The following BRPF3 variants were observed in gnomAD, a reference collection of about 807,000 sequenced individuals.
BRPF3 encodes bromodomain and PHD finger containing 3.
A neutral mutation model predicts 102.0 loss-of-function variants in BRPF3; 18 were observed. That is an observed-to-expected ratio of 0.18 (90% CI 0.12 to 0.26). The LOEUF (loss-of-function observed/expected upper bound fraction) is 0.26, where lower values mean the gene tolerates loss of function less well. BRPF3 is among the 10% of genes least tolerant of loss of function. The pLI is 1.00. For synonymous variants in BRPF3, 570 were observed against 614.2 expected, an observed-to-expected ratio of 0.93 and a Z score of 1.06; for missense variants, 1,147 against 1,567.8, an observed-to-expected ratio of 0.73 and a Z score of 4.53.
rs1292666222 is a variant in BRPF3, at chr6:36,200,688, G to C, written c.366G>C (p.Val122=). The C allele has an allele frequency of 6.2e-7, 1 of 1,614,038 alleles. No homozygotes were observed. Among genetic ancestry groups the C allele is most frequent in the Non-Finnish European group, 8.5e-7 (1 of 1,180,028 alleles). The change falls in exon 2 of 13, where the codon GTG becomes GTC. Residue 122 remains valine, a synonymous_variant. Coordinates refer to ENST00000357641, the MANE Select transcript of BRPF3 (RefSeq NM_015695.3). The surrounding 1 kb of genome is among the most constrained non-coding windows in gnomAD (Gnocchi z 5.3). The part of the protein sequence containing the change: ...FHLPQPSFRM[V]DSGIQPEAPP... ...TCCCACAGCCCAGCTTCCGTATGGT[G>C]GACTCAGGCATCCAGCCAGAAGCAC...
chr6:36,230,583 T>C lies in BRPF3; in HGVS notation c.3592T>C (p.Ser1198Pro). 1 of 1,613,952 alleles carries C rather than the reference T, an allele frequency of 6.2e-7. No homozygotes were observed. Among genetic ancestry groups the C allele is most frequent in the Non-Finnish European group, 8.5e-7 (1 of 1,179,944 alleles). ...CCTGAGCAGAGTCCGGGGGCCCCAC[T>C]CCTTCGTCACTTCCAGCTACCTGTA... ...IHLSRVRGPH[S>P]FVTSSYL The change falls in exon 13 of 13, where the codon TCC becomes CCC. Residue 1198 changes from serine to proline, a missense_variant. By Grantham distance (74) the Ser-to-Pro change is moderately conservative (BLOSUM62 -1). Around this residue, in one of 11 missense-constraint regions of BRPF3, gnomAD observed 85 missense variants for 172.9 expected, o/e 0.49. Coordinates refer to ENST00000357641, the MANE Select transcript of BRPF3 (RefSeq NM_015695.3). The surrounding 1 kb of genome is among the most constrained non-coding windows in gnomAD (Gnocchi z 5.4).
In BRPF3 at chr6:36,200,271, A is replaced by G. The variant is rs1767645195; in HGVS notation, c.-26-26A>G. ...ATGGGTGCATAAGGGCATCCAACTC[A>G]TAGTCTCCTGGCCTTCTCTCCTTAG... On this transcript the variant is annotated intron_variant, in intron 1 of 12. Transcript: ENST00000357641. This position sits in a 1 kb window ranked among gnomAD's most constrained non-coding sequence, Gnocchi z 5.3. 5 of 1,550,352 alleles carry G rather than the reference A, an allele frequency of 3.2e-6. No homozygotes were observed. Among genetic ancestry groups the G allele is most frequent in the Middle Eastern group, 3.5e-4 (2 of 5,698 alleles).
intron 3 of BRPF3, 122 bp downstream of exon 3, chr6:36,204,936 T>C: frequency 7.5e-7 from 1 of 1,333,288 alleles, no homozygotes; most frequent in Non-Finnish European, 1.0e-6. Flanking sequence ...CCTACCTGTC[T>C]GGGTGGCCTA....
chr6:36,217,312 G>A (rs568733460), intron 8 of BRPF3, among the ~76,000 whole-genome samples: 28 of 152,252 alleles, frequency 1.8e-4, no homozygotes, highest in Middle Eastern at 3.4e-3. Flanking sequence ...AGGAAGTTCC[G>A]GGCTGCTTTA....
chr6:36,197,496 A>C (rs1293336741), intron 1 of BRPF3: 2 of 152,250 alleles, frequency 1.3e-5, no homozygotes, highest in African/African-American at 4.8e-5. Flanking sequence ...CTTCTGGAAG[A>C]GGTGCCCCCT....
In BRPF3 at chr6:36,200,648, G is replaced by A. The variant is rs1326401531; in HGVS notation, c.326G>A (p.Gly109Asp). Reference sequence around the variant, plus strand: ...GAATCCTGCTCCAAGCATGCATCTGGTACTTCCTTCCACCTCCCACAGCCC... The same window carrying A: ...GAATCCTGCTCCAAGCATGCATCTGATACTTCCTTCCACCTCCCACAGCCC... ...KKESCSKHAS[G>D]TSFHLPQPSF... The change falls in exon 2 of 13, where the codon GGT becomes GAT. Residue 109 changes from glycine to aspartate, a missense_variant. This residue lies in a region of BRPF3 where 221 missense variants were observed against 337.1 expected (regional missense o/e 0.66). Transcript: ENST00000357641. The surrounding 1 kb of genome is among the most constrained non-coding windows in gnomAD (Gnocchi z 5.3). The A allele has an allele frequency of 1.9e-6, 3 of 1,614,066 alleles. No individual in the cohort carries two copies. In the African/African-American group the frequency reaches 4.0e-5, roughly 22 times the overall value.
Position 36,200,594 on chromosome 6 carries a change from A to G in BRPF3, c.272A>G (p.Lys91Arg), listed in dbSNP as rs1767661363. The change falls in exon 2 of 13, where the codon AAG becomes AGG. Residue 91 changes from lysine to arginine, a missense_variant. Physicochemically the swap from Lys to Arg is conservative, Grantham distance 26. Coordinates refer to ENST00000357641, the MANE Select transcript of BRPF3 (RefSeq NM_015695.3). This position sits in a 1 kb window ranked among gnomAD's most constrained non-coding sequence, Gnocchi z 5.3. ...SEQPQFPGKS[K>R]KPSSKGKKKE... Reference sequence around the variant, plus strand: ...CAGCCTCAGTTCCCTGGCAAGTCCAAGAAACCCTCATCCAAGGGCAAAAAG... The same window carrying G: ...CAGCCTCAGTTCCCTGGCAAGTCCAGGAAACCCTCATCCAAGGGCAAAAAG... 6.2e-7 allele frequency: 1 copy of G among 1,614,112 alleles called. No individual in the cohort carries two copies. The highest frequency in any genetic ancestry group is 8.5e-7 in the Non-Finnish European group (1 of 1,180,032).
At chr6:36,224,808 T>C (rs1468389408) in intron 10 of BRPF3, among the ~76,000 whole-genome samples, 1 of 152,242 alleles carries the variant, frequency 6.6e-6, no homozygotes, top group Non-Finnish European at 1.5e-5. Context: ...CTGTAGCCTA[T>C]TTTTGTATGG....
At chr6:36,220,322 A>G (rs150678732) in intron 9 of BRPF3, among the ~76,000 whole-genome samples, 152 of 152,352 alleles carry the variant, frequency 1.0e-3, no homozygotes, top group African/African-American at 3.4e-3. Flanking sequence ...TCGTATGACA[A>G]TAACTACAGC....
At position 36,230,331 on chromosome 6, in the gene BRPF3, C is replaced by T; in HGVS notation, c.3435-95C>T. 1 of 1,315,204 alleles carries T rather than the reference C, an allele frequency of 7.6e-7. No homozygotes were observed. The highest frequency in any genetic ancestry group is 1.1e-6 in the Non-Finnish European group (1 of 933,370). 81.5% of individuals were successfully genotyped at this position (1,315,204 alleles called of 1,614,324 possible). A position where few individuals can be genotyped will look rare whatever the true frequency, so the allele number is the denominator to read the frequency against. On this transcript the variant is annotated intron_variant, in intron 12 of 12. Transcript: ENST00000357641. The surrounding 1 kb of genome is among the most constrained non-coding windows in gnomAD (Gnocchi z 5.4). ...CTTCCCTCTGCCCTGTACCCTCTCCCTGGCTTTGCTGGTCCTGGCCAAGTG... is the reference window on the plus strand; with the variant it reads ...CTTCCCTCTGCCCTGTACCCTCTCCTTGGCTTTGCTGGTCCTGGCCAAGTG...
chr6:36,205,800 T>C (rs1767884892), intron 3 of BRPF3, among the ~76,000 whole-genome samples: 1 of 152,246 alleles, frequency 6.6e-6, no homozygotes, highest in Non-Finnish European at 1.5e-5. Context: ...TGACAATAAC[T>C]GTAATAGCAG....
chr6:36,221,170 G>T (rs1055192829), intron 9 of BRPF3, among the ~76,000 whole-genome samples: 4 of 151,428 alleles, frequency 2.6e-5, no homozygotes, highest in Admixed American at 2.6e-4. Flanking sequence ...GTGGGCTTCA[G>T]TTGCAACATT....
rs147999967 is a variant in BRPF3, at chr6:36,231,785, A to C, written c.*1176A>C. 1 of 151,604 alleles carries C rather than the reference A, an allele frequency of 6.6e-6. No individual in the cohort carries two copies. The allele number at this position is 151,604 out of a possible 1,614,324, so 9.4% of individuals were successfully genotyped here. On this transcript the variant is annotated 3_prime_UTR_variant, in exon 13 of 13. Coordinates refer to ENST00000357641, the MANE Select transcript of BRPF3 (RefSeq NM_015695.3). The stretch of plus-strand genomic sequence containing the variant: ...CTTCTTTCTCTTCAACCCCCTCCCC[A>C]CCTTCACCTTCTCAAAAATGGAAGG...
intron 2 of BRPF3, among the ~76,000 whole-genome samples, chr6:36,203,513 A>T (rs1302714011): frequency 6.6e-6 from 1 of 152,192 alleles, no homozygotes; most frequent in Non-Finnish European, 1.5e-5. Context: ...TGTGCTTGGC[A>T]TGGACATTGG....
intron 7 of BRPF3, among the ~76,000 whole-genome samples, chr6:36,212,572 G>GAAAAA (rs1013260246): frequency 4.4e-5 from 2 of 44,950 alleles, no homozygotes; most frequent in Non-Finnish European, 1.0e-4. Flanking sequence ...GCATCACCTA[G>GAAAAA]AAAAAAAAAA....
At chr6:36,203,063 G>A (rs1345639176) in intron 2 of BRPF3, among the ~76,000 whole-genome samples, 2 of 152,172 alleles carry the variant, frequency 1.3e-5, no homozygotes, top group Admixed American at 6.5e-5. Flanking sequence ...TTTTTCCTGA[G>A]GTAAGTGGGT....
At chr6:36,208,582 T>G (rs1767987193) in intron 4 of BRPF3, among the ~76,000 whole-genome samples, 1 of 152,236 alleles carries the variant, frequency 6.6e-6, no homozygotes, top group Non-Finnish European at 1.5e-5. Flanking sequence ...AGTTTCCTCC[T>G]CATAGCCTGG....
At chr6:36,224,305 G>A (rs1423571191) in intron 10 of BRPF3, among the ~76,000 whole-genome samples, 1 of 152,158 alleles carries the variant, frequency 6.6e-6, no homozygotes, top group Non-Finnish European at 1.5e-5. Flanking sequence ...GGTTGAGTGT[G>A]GTCACCTGCC....
intron 10 of BRPF3, 57 bp downstream of exon 10, chr6:36,222,322 C>A: frequency 6.8e-7 from 1 of 1,477,792 alleles, no homozygotes; most frequent in South Asian, 1.2e-5. Flanking sequence ...GGAGCCAGCT[C>A]TTCAGGCTGC....
Sources: allele counts gnomAD v4.1 joint callset (sites outside exome capture counted in the v4.1 genomes callset), GRCh38; gene constraint gnomAD v4.1.1; regional missense constraint gnomAD v4.1.1; non-coding constraint Gnocchi (gnomAD v3.1); transcripts MANE v1.5; gene names NCBI Gene and HGNC (gene_info 2026-07-23, HGNC 2026-07-21).